Variants in KTN1 observed in about 807,000 individuals in gnomAD.
KTN1 encodes kinectin 1.
A neutral mutation model predicts 222.5 loss-of-function variants in KTN1; 130 were observed. The observed-to-expected ratio is 0.58, with a 90% confidence interval of 0.51 to 0.68. The LOEUF (loss-of-function observed/expected upper bound fraction) is 0.68. Ranked by LOEUF, KTN1 falls within the 30% of genes least tolerant of loss-of-function variation. The probability of loss-of-function intolerance (pLI) is 0.00; values close to 1 mark genes in which losing one functional copy is unlikely to be tolerated. For synonymous variants in KTN1, 512 were observed against 496.3 expected (o/e 1.03, Z -0.42); for missense variants, 1,508 against 1,500.4 (o/e 1.01, Z -0.08).
chr14:55,628,177 A>C, intron 6 of KTN1, 149 bp downstream of exon 6: 1 of 594,960 alleles, frequency 1.7e-6, no homozygotes, highest in Non-Finnish European at 3.0e-6. Flanking sequence ...GGGTAGATAG[A>C]GCTGTCTCTC....
At chr14:55,582,962 G>A (rs2032069693) in intron 1 of KTN1, among the ~76,000 whole-genome samples, 1 of 152,168 alleles carries the variant, frequency 6.6e-6, no homozygotes, top group Non-Finnish European at 1.5e-5. Context: ...CATGCTCAAA[G>A]AGAATTGCAT....
In KTN1 at chr14:55,628,181, G is replaced by A. The variant is rs184742837; in HGVS notation, c.1080+153G>A. ...GAGTTTTGGGAGGGTAGATAGAGCTGTCTCTCTCTTTTGTGATATTATAGC... is the reference window on the plus strand; with the variant it reads ...GAGTTTTGGGAGGGTAGATAGAGCTATCTCTCTCTTTTGTGATATTATAGC... On this transcript the variant is annotated intron_variant, in intron 6 of 43. Coordinates refer to ENST00000395314, the MANE Select transcript of KTN1 (RefSeq NM_001079521.2). Among the ~76,000 whole-genome samples, 21 of 152,320 alleles carry A rather than the reference G, an allele frequency of 1.4e-4. No homozygotes were observed. The East Asian group carries it at 4.1e-3, about 29-fold the overall frequency.
chr14:55,644,940 T>C (rs549188825), intron 18 of KTN1, among the ~76,000 whole-genome samples: 10 of 152,268 alleles, frequency 6.6e-5, no homozygotes, highest in African/African-American at 2.4e-4. Context: ...CATCAAATAC[T>C]TATTTACTAG....
At chr14:55,607,113 A>C (rs575071250) in intron 1 of KTN1, among the ~76,000 whole-genome samples, 2 of 152,236 alleles carry the variant, frequency 1.3e-5, no homozygotes, top group East Asian at 3.9e-4. Flanking sequence ...TATCACTTAA[A>C]ATTTTAGGTT....
At chr14:55,615,600 T>C (rs1052413373) in intron 2 of KTN1, among the ~76,000 whole-genome samples, 16 of 152,338 alleles carry the variant, frequency 1.1e-4, no homozygotes, top group African/African-American at 3.8e-4. Context: ...AATGAGTATT[T>C]GTAGAATATG....
chr14:55,602,781 A>G (rs75317742), intron 1 of KTN1, among the ~76,000 whole-genome samples: 3,279 of 152,150 alleles, frequency 0.022, 56 homozygotes, highest in Non-Finnish European at 0.032. Context: ...GGGTTCTGCT[A>G]TGTTGCCCAG....
intron 33 of KTN1, among the ~76,000 whole-genome samples, chr14:55,666,037 G>A (rs1046541977): frequency 6.6e-6 from 1 of 151,766 alleles, no homozygotes; most frequent in Non-Finnish European, 1.5e-5. Context: ...TAATGTCCTT[G>A]AAATAGCATT....
At chr14:55,644,542 C>T (rs2042106190) in intron 18 of KTN1, 2 of 486,146 alleles carry the variant, frequency 4.1e-6, no homozygotes, top group South Asian at 2.6e-5. Flanking sequence ...ACTAATATTT[C>T]ATTTACTCAG....
chr14:55,676,200 A>G (rs1358464051), intron 41 of KTN1, among the ~76,000 whole-genome samples: 3 of 152,192 alleles, frequency 2.0e-5, no homozygotes, highest in African/African-American at 7.2e-5. Flanking sequence ...ATTTGGCTGC[A>G]TCCATATATT....
chr14:55,614,115 G>A (rs556826376), intron 2 of KTN1, among the ~76,000 whole-genome samples: 1 of 152,176 alleles, frequency 6.6e-6, no homozygotes, highest in Admixed American at 6.5e-5. Flanking sequence ...AGGGAACAGA[G>A]CTGAAAAGAT....
rs373396364 is a variant in KTN1, at chr14:55,637,208, T to A, written c.1560T>A (p.Ser520Arg). The A allele has an allele frequency of 3.1e-6, 5 of 1,600,628 alleles. No individual in the cohort carries two copies. In the African/African-American group the frequency reaches 6.7e-5, roughly 22 times the overall value. ...EHEAAQQDLQ[S>R]KFVAKENEVQ... ...AATGTTTTATTACAGATTTACAGAG[T>A]AAATTTGTGGCCAAAGAAAATGAAG... Residue 520 changes from serine (S) to arginine (R), a missense_variant, in exon 11 of 44, where the codon AGT (serine) becomes AGA (arginine). By Grantham distance (110) the Ser-to-Arg change is moderately radical (BLOSUM62 -1). Transcript: ENST00000395314.
At chr14:55,674,605 C>G (rs2045737775) in intron 40 of KTN1, 1 of 152,076 alleles carries the variant, frequency 6.6e-6, no homozygotes, top group African/African-American at 2.4e-5. Context: ...AGTCCTCACT[C>G]TATGTTTTTA....
chr14:55,591,432 A>G (rs148717171), intron 1 of KTN1, among the ~76,000 whole-genome samples: 48 of 152,254 alleles, frequency 3.2e-4, no homozygotes, highest in African/African-American at 1.1e-3. Context: ...TTTTCTTTCC[A>G]ATATAAATGT....
At chr14:55,612,784 G>C (rs1431759424) in intron 2 of KTN1, among the ~76,000 whole-genome samples, 1 of 152,084 alleles carries the variant, frequency 6.6e-6, no homozygotes, top group Non-Finnish European at 1.5e-5. Context: ...CTGATGCAGT[G>C]GCTCATGCCT....
intron 25 of KTN1, among the ~76,000 whole-genome samples, chr14:55,652,203 A>C (rs2042988430): frequency 6.6e-6 from 1 of 152,108 alleles, no homozygotes; most frequent in Admixed American, 6.6e-5. Context: ...AGCCATGTGA[A>C]ATTGGTATCT....
At chr14:55,655,165 A>C (rs930559312) in intron 28 of KTN1, among the ~76,000 whole-genome samples, 3 of 151,666 alleles carry the variant, frequency 2.0e-5, no homozygotes, top group African/African-American at 7.3e-5. Flanking sequence ...ATTTTTTAGA[A>C]ACAGAGTCTC....
chr14:55,641,000 C>G (rs377031955), intron 16 of KTN1, 30 bp downstream of exon 16: 17 of 1,571,516 alleles, frequency 1.1e-5, no homozygotes, highest in Admixed American at 1.7e-5. Context: ...TCTAGTCGTT[C>G]ATACATTTAT....
rs569945555 is a variant in KTN1 at position 55,627,853 on chromosome 14, A to G, written c.964-59A>G. 5.0e-5 allele frequency: 50 copies of G among 1,002,912 alleles called. No individual in the cohort carries two copies. The African/African-American group carries it at 7.3e-4, about 15-fold the overall frequency. The allele number at this position is 1,002,912 out of a possible 1,614,324, so 62.1% of individuals were successfully genotyped here. A position where few individuals can be genotyped will look rare whatever the true frequency, so the allele number is the denominator to read the frequency against. Reference sequence around the variant, plus strand: ...TGTATATGTGCCACATTTCATTTTCATAATTTTTATTAGCCCATGGTAACT... The same window carrying G: ...TGTATATGTGCCACATTTCATTTTCGTAATTTTTATTAGCCCATGGTAACT... On this transcript the variant is annotated intron_variant, in intron 5 of 43. Transcript: ENST00000395314.
intron 34 of KTN1, among the ~76,000 whole-genome samples, chr14:55,669,206 A>G (rs1264929098): frequency 6.6e-6 from 1 of 152,100 alleles, no homozygotes; most frequent in African/African-American, 2.4e-5. Context: ...AAGATTGTAT[A>G]AGATCACCAG....
Sources: allele counts gnomAD v4.1 joint callset (sites outside exome capture counted in the v4.1 genomes callset), GRCh38; gene constraint gnomAD v4.1.1; transcripts MANE v1.5; gene names NCBI Gene and HGNC (gene_info 2026-07-23, HGNC 2026-07-21).